The following CMSS1 variants were observed in gnomAD, a reference collection of about 807,000 sequenced individuals.
CMSS1 encodes cms1 ribosomal small subunit homolog.
A neutral mutation model predicts 43.5 loss-of-function variants in CMSS1; 33 were observed. The observed-to-expected ratio is 0.76, with a 90% confidence interval of 0.57 to 1.01. CMSS1 has a LOEUF of 1.01. Among genes scored for constraint, CMSS1 ranks in the 50% least tolerant of loss-of-function variants. CMSS1 has a pLI of 0.00. For synonymous variants in CMSS1, 115 were observed against 117.2 expected, an observed-to-expected ratio of 0.98 and a Z score of 0.12; for missense variants, 313 against 326.4, an observed-to-expected ratio of 0.96 and a Z score of 0.32.
At chr3:99,830,563 TA>T (rs1942639619) in intron 1 of CMSS1, 1 of 456,548 alleles carries the variant, frequency 2.2e-6, no homozygotes, top group Non-Finnish European at 4.4e-6. Context: ...GATTTCGGTT[TA>T]GGGATCCGTG....
chr3:100,164,762 T>G (rs1271646464), intron 4 of CMSS1, among the ~76,000 whole-genome samples: 2 of 152,110 alleles, frequency 1.3e-5, no homozygotes, highest in Non-Finnish European at 2.9e-5. Context: ...ATAAATCCCC[T>G]TATATATACA....
intron 1 of CMSS1, among the ~76,000 whole-genome samples, chr3:100,044,564 G>C (rs964238455): frequency 2.0e-5 from 3 of 152,292 alleles, no homozygotes; most frequent in South Asian, 4.1e-4. Flanking sequence ...AGCTAGACTA[G>C]AGCCCAGTGA....
At chr3:99,983,462 GTGTATA>G (rs1323453733) in intron 1 of CMSS1, among the ~76,000 whole-genome samples, 214 of 11,872 alleles carry the variant, frequency 0.018, no homozygotes, top group South Asian at 0.074. Flanking sequence ...ATATATATGT[GTGTATA>G]TATATATATA....
chr3:100,003,953 T>A (rs1452717951), intron 1 of CMSS1, among the ~76,000 whole-genome samples: 1 of 152,210 alleles, frequency 6.6e-6, no homozygotes, highest in East Asian at 1.9e-4. Context: ...TCAATGAGTC[T>A]ATGCCTGGGA....
chr3:99,987,268 C>G (rs1391180695), intron 1 of CMSS1, among the ~76,000 whole-genome samples: 1 of 150,626 alleles, frequency 6.6e-6, no homozygotes, highest in Non-Finnish European at 1.5e-5. Context: ...GTGGCTCACT[C>G]CTGTAATCCC....
intron 1 of CMSS1, among the ~76,000 whole-genome samples, chr3:99,832,630 G>A (rs1413801588): frequency 6.8e-6 from 1 of 146,468 alleles, no homozygotes; most frequent in Non-Finnish European, 1.5e-5. Context: ...ATCACTTGAG[G>A]TCAGGAGTTC....
At chr3:100,042,432 A>G (rs763959089) in intron 1 of CMSS1, among the ~76,000 whole-genome samples, 7 of 152,226 alleles carry the variant, frequency 4.6e-5, no homozygotes, top group Non-Finnish European at 8.8e-5. Context: ...CCATCATGTA[A>G]TAAAATTCTC....
At chr3:99,979,126 G>A (rs1270785721) in intron 1 of CMSS1, among the ~76,000 whole-genome samples, 2 of 152,136 alleles carry the variant, frequency 1.3e-5, no homozygotes, top group Non-Finnish European at 2.9e-5. Context: ...AATGATAAAT[G>A]TTTGAGGTGA....
At chr3:99,905,887 A>G (rs1176019948) in intron 1 of CMSS1, among the ~76,000 whole-genome samples, 1 of 152,218 alleles carries the variant, frequency 6.6e-6, no homozygotes, top group African/African-American at 2.4e-5. Context: ...AACATTTGGT[A>G]ATATCTTTTT....
intron 1 of CMSS1, among the ~76,000 whole-genome samples, chr3:99,978,589 G>T (rs975676051): frequency 4.6e-5 from 7 of 152,190 alleles, no homozygotes; most frequent in African/African-American, 1.7e-4. Flanking sequence ...TAAAAAAGTC[G>T]ATCTCATAGA....
At chr3:100,070,921 G>A (rs749085133) in intron 1 of CMSS1, among the ~76,000 whole-genome samples, 2 of 152,126 alleles carry the variant, frequency 1.3e-5, no homozygotes, top group African/African-American at 4.8e-5. Context: ...ATGAGTCACC[G>A]CGCCTGGCCT....
At chr3:100,142,175 T>G (rs1201160723) in intron 1 of CMSS1, among the ~76,000 whole-genome samples, 4 of 152,242 alleles carry the variant, frequency 2.6e-5, no homozygotes, top group African/African-American at 7.2e-5. Context: ...ATAAGCAAGG[T>G]ATTTTAAATC....
chr3:100,012,588 G>C (rs1710189896), intron 1 of CMSS1, among the ~76,000 whole-genome samples: 1 of 151,896 alleles, frequency 6.6e-6, no homozygotes, highest in South Asian at 2.1e-4. Context: ...TGCTTCAGGA[G>C]GATTTCAGAT....
chr3:99,987,397 C>CATA (rs1018250203), intron 1 of CMSS1, among the ~76,000 whole-genome samples: 1 of 151,490 alleles, frequency 6.6e-6, no homozygotes, highest in Admixed American at 6.6e-5. Context: ...GGTGTGGTGG[C>CATA]ATACACCTGT....
intron 1 of CMSS1, among the ~76,000 whole-genome samples, chr3:99,882,923 A>G (rs2107604420): frequency 6.6e-6 from 1 of 152,356 alleles, no homozygotes. Flanking sequence ...GATTGGCCAC[A>G]TGTCAAAACC....
intron 1 of CMSS1, among the ~76,000 whole-genome samples, chr3:99,962,559 T>C (rs962559750): frequency 6.6e-6 from 1 of 152,204 alleles, no homozygotes; most frequent in Non-Finnish European, 1.5e-5. Context: ...AGAGATAATA[T>C]TGTTTTAACA....
chr3:100,149,305 G>A (rs1436326906), intron 2 of CMSS1, among the ~76,000 whole-genome samples: 1 of 152,098 alleles, frequency 6.6e-6, no homozygotes, highest in Non-Finnish European at 1.5e-5. Context: ...GGGTTCTGGG[G>A]GTCATGGCCC....
chr3:99,847,846 G>A lies in CMSS1; in HGVS notation c.64+29803G>A. The A allele has an allele frequency of 9.5e-6, 6 of 631,298 alleles. No individual in the cohort carries two copies. The South Asian group carries it at 4.1e-4, about 44-fold the overall frequency. The allele number at this position is 631,298 out of a possible 1,614,324, so 39.1% of individuals were successfully genotyped here. ...TTGTTTTTAAGGAAGAATTAATAGA[G>A]ACTATAAGCAAAAGACAAAATTCTA... On this transcript the variant is annotated intron_variant, in intron 1 of 9. Coordinates refer to ENST00000421999, the MANE Select transcript of CMSS1 (RefSeq NM_032359.4).
intron 1 of CMSS1, among the ~76,000 whole-genome samples, chr3:100,035,732 A>G (rs1390612753): frequency 6.6e-6 from 1 of 152,206 alleles, no homozygotes; most frequent in Non-Finnish European, 1.5e-5. Flanking sequence ...TTTTATTGTA[A>G]TAGAAAAATT....
Sources: gnomAD v4.1 joint callset for allele counts (sites outside exome capture counted in the v4.1 genomes callset) on GRCh38, gnomAD v4.1.1 for gene constraint, MANE v1.5 for transcripts, NCBI Gene and HGNC (gene_info 2026-07-23, HGNC 2026-07-21) for gene names.